VTI1A: variants seen among roughly 807,000 people sequenced by gnomAD.
VTI1A encodes the protein vesicle transport through interaction with t-SNAREs 1A, also known as vesicle transport through interaction with t-SNAREs homolog 1A.
In VTI1A, 22 loss-of-function variants were observed where a neutral mutation model predicts 34.9. That is an observed-to-expected ratio of 0.63 (90% CI 0.45 to 0.90). VTI1A has a LOEUF of 0.90. Among genes scored for constraint, VTI1A ranks in the 40% least tolerant of loss-of-function variants. The pLI is 0.00. For missense variants in VTI1A, 268 were observed against 275.6 expected, an observed-to-expected ratio of 0.97 and a Z score of 0.20; for synonymous variants, 87 against 97.3, an observed-to-expected ratio of 0.89 and a Z score of 0.62.
intron 5 of VTI1A, among the ~76,000 whole-genome samples, chr10:112,595,853 A>C (rs990806160): frequency 3.3e-5 from 5 of 152,166 alleles, no homozygotes; most frequent in Non-Finnish European, 4.4e-5. Flanking sequence ...CTATAAAGAC[A>C]CATGCACCCG....
intron 5 of VTI1A, among the ~76,000 whole-genome samples, chr10:112,642,977 C>CTTTTTTTTTTTTTTTTTTTT (rs58619611): frequency 8.3e-6 from 1 of 121,014 alleles, no homozygotes; most frequent in African/African-American, 3.1e-5. Context: ...TTTTTCTTTT[C>CTTTTTTTTTTTTTTTTTTTT]TTTTTTTTTT....
the VTI1A span, chr10:112,823,959 A>G: frequency 6.6e-6 from 1 of 152,286 alleles, no homozygotes; most frequent in Non-Finnish European, 1.5e-5. Flanking sequence ...AGAGGGGACA[A>G]GATTTGCTTA....
intron 7 of VTI1A, among the ~76,000 whole-genome samples, chr10:112,741,733 C>G (rs551174520): frequency 2.6e-5 from 4 of 152,170 alleles, no homozygotes; most frequent in Admixed American, 6.5e-5. Context: ...ATCAACATAT[C>G]TGAACTTTTT....
At chr10:112,617,969 C>T (rs574006942) in intron 5 of VTI1A, among the ~76,000 whole-genome samples, 1 of 152,160 alleles carries the variant, frequency 6.6e-6, no homozygotes, top group East Asian at 1.9e-4. Context: ...GCCTGGCCAA[C>T]ATGCTGAAAC....
the VTI1A span, among the ~76,000 whole-genome samples, chr10:112,830,834 TATATATATATATATA>T: frequency 5.5e-4 from 26 of 47,162 alleles, 3 homozygotes; most frequent in African/African-American, 1.9e-3. Context: ...TATATATATA[TATATATATATATATA>T]TTTTTTTTTT....
At chr10:112,508,070 T>G (rs1029789669) in intron 3 of VTI1A, among the ~76,000 whole-genome samples, 1 of 151,986 alleles carries the variant, frequency 6.6e-6, no homozygotes, top group Admixed American at 6.6e-5. Flanking sequence ...ATAAGTCTAT[T>G]GTGATTTTCT....
At chr10:112,654,999 A>G (rs1411878327) in intron 5 of VTI1A, among the ~76,000 whole-genome samples, 1 of 152,222 alleles carries the variant, frequency 6.6e-6, no homozygotes, top group Non-Finnish European at 1.5e-5. Context: ...AAAACAGGCC[A>G]CAGGCTGGAT....
intron 5 of VTI1A, among the ~76,000 whole-genome samples, chr10:112,580,402 A>T (rs1361869164): frequency 3.9e-5 from 6 of 152,190 alleles, no homozygotes; most frequent in Admixed American, 6.5e-5. Context: ...GGCTGAGAAC[A>T]GTTGTGGTGG....
chr10:112,829,843 CAT>C, the VTI1A span, among the ~76,000 whole-genome samples: 2 of 152,090 alleles, frequency 1.3e-5, no homozygotes, highest in Non-Finnish European at 2.9e-5. Flanking sequence ...TAAATGAACT[CAT>C]AACAACATCT....
downstream of VTI1A, chr10:112,823,557 A>T (rs2134105241): frequency 6.6e-6 from 1 of 152,244 alleles, no homozygotes; most frequent in African/African-American, 2.4e-5. Flanking sequence ...GAAAGGGGAA[A>T]ATAGAAGTAG....
chr10:112,546,032 G>A lies in VTI1A; in HGVS notation c.427+7702G>A, dbSNP rs550944432. On this transcript the variant is annotated intron_variant, in intron 5 of 7. Transcript: ENST00000393077. ...TGTGTGTGTATATACGTGTATACGC[G>A]TATGTGTGTGTATATACGTGTATAC... 2.2e-3 allele frequency among the ~76,000 whole-genome samples: 318 copies of A among 145,776 alleles called. 7 individuals are homozygous for A. Among genetic ancestry groups the A allele is most frequent in the Non-Finnish European group, 3.9e-3 (259 of 66,110 alleles).
intron 7 of VTI1A, among the ~76,000 whole-genome samples, chr10:112,809,120 A>C (rs78101730): frequency 0.015 from 2,263 of 152,224 alleles, 61 homozygotes; most frequent in African/African-American, 0.051. Context: ...GCTGAGGATT[A>C]CTCCTAGAGA....
intron 5 of VTI1A, among the ~76,000 whole-genome samples, chr10:112,558,086 C>T (rs1851596033): frequency 6.6e-6 from 1 of 152,122 alleles, no homozygotes; most frequent in Non-Finnish European, 1.5e-5. Flanking sequence ...TGTGTGTTTC[C>T]TGGACTTGCA....
At chr10:112,733,650 C>T (rs1350930202) in intron 7 of VTI1A, among the ~76,000 whole-genome samples, 1 of 152,168 alleles carries the variant, frequency 6.6e-6, no homozygotes, top group Non-Finnish European at 1.5e-5. Flanking sequence ...TCCCTTCTCT[C>T]ACTCCTATTG....
At chr10:112,725,519 C>T (rs1398955609) in intron 7 of VTI1A, among the ~76,000 whole-genome samples, 1 of 152,204 alleles carries the variant, frequency 6.6e-6, no homozygotes, top group African/African-American at 2.4e-5. Flanking sequence ...TTATGAAGTT[C>T]TCTATCAACC....
At chr10:112,553,532 C>T (rs191717342) in intron 5 of VTI1A, among the ~76,000 whole-genome samples, 117 of 152,322 alleles carry the variant, frequency 7.7e-4, no homozygotes, top group African/African-American at 2.6e-3. Flanking sequence ...GATTCAGTGA[C>T]GTTTATTTCT....
intron 4 of VTI1A, among the ~76,000 whole-genome samples, chr10:112,532,480 G>A (rs1268876468): frequency 3.3e-5 from 5 of 152,202 alleles, no homozygotes; most frequent in East Asian, 1.9e-4. Context: ...AACTGTGGTC[G>A]TCATCTCACT....
At chr10:112,672,785 T>C (rs1443653336) in intron 7 of VTI1A, 1 of 152,152 alleles carries the variant, frequency 6.6e-6, no homozygotes, top group East Asian at 1.9e-4. Context: ...AAATGAAAAT[T>C]AAGATTTTCA....
intron 5 of VTI1A, among the ~76,000 whole-genome samples, chr10:112,552,816 A>C (rs1851408892): frequency 2.0e-5 from 3 of 152,202 alleles, no homozygotes; most frequent in African/African-American, 7.2e-5. Context: ...CTTTAAATTC[A>C]TACTGTTGTG....
Sources: gnomAD v4.1 joint callset for allele counts (sites outside exome capture counted in the v4.1 genomes callset) on GRCh38, gnomAD v4.1.1 for gene constraint, MANE v1.5 for transcripts, NCBI Gene and HGNC (gene_info 2026-07-23, HGNC 2026-07-21) for gene names.